Variants in CCDC33 observed in about 807,000 individuals in gnomAD.
CCDC33 encodes the protein coiled-coil domain containing 33.
CCDC33 carries 94 observed loss-of-function variants against 91.9 expected under a neutral mutation model. That is an observed-to-expected ratio of 1.02 (90% CI 0.87 to 1.21). CCDC33 has a LOEUF of 1.21. CCDC33 is among the 50% of genes most tolerant of loss of function. CCDC33 has a pLI of 0.00. For missense variants in CCDC33, 940 were observed against 935.5 expected (o/e 1.00, Z -0.06); for synonymous variants, 396 against 374.5 (o/e 1.06, Z -0.66).
At chr15:74,223,574 T>G (rs1162813388) in intron 2 of CCDC33, among the ~76,000 whole-genome samples, 1 of 152,072 alleles carries the variant, frequency 6.6e-6, no homozygotes, top group Admixed American at 6.6e-5. Flanking sequence ...TTAGAGACTC[T>G]GCTGCCACCC....
chr15:74,255,611 C>T (rs556316567), intron 2 of CCDC33, among the ~76,000 whole-genome samples: 32 of 152,348 alleles, frequency 2.1e-4, no homozygotes, highest in South Asian at 4.1e-4. Flanking sequence ...AGGGACTAGC[C>T]GGGGACTGTG....
rs768822161 is a variant in CCDC33, at chr15:74,333,944, C to G, written c.2002C>G (p.Arg668Gly). Residue 668 changes from arginine (R) to glycine (G), a missense_variant, in exon 17 of 19, where the codon CGG (arginine) becomes GGG (glycine). Physicochemically the swap from Arg to Gly is moderately radical, Grantham distance 125. Coordinates refer to ENST00000398814, the MANE Select transcript of CCDC33 (RefSeq NM_025055.5). The part of the protein sequence containing the change: ...LLAKLEHAQS[R>G]ILSLESQLED... ...GGCCAAGCTGGAACACGCTCAGAGC[C>G]GGATCCTGTCCCTGGAAAGCCAGGT... 1 of 1,613,426 alleles carries G rather than the reference C, an allele frequency of 6.2e-7. No individual in the cohort carries two copies. Among genetic ancestry groups the G allele is most frequent in the African/African-American group, 1.3e-5 (1 of 74,928 alleles).
chr15:74,327,027 G>A (rs996582640), intron 11 of CCDC33, among the ~76,000 whole-genome samples: 7 of 152,282 alleles, frequency 4.6e-5, no homozygotes, highest in East Asian at 1.9e-4. Flanking sequence ...GGGGGAAGCC[G>A]AGGAGGGAAA....
At chr15:74,305,492 A>T (rs2059876477) in intron 11 of CCDC33, among the ~76,000 whole-genome samples, 1 of 152,160 alleles carries the variant, frequency 6.6e-6, no homozygotes, top group Admixed American at 6.5e-5. Flanking sequence ...AAGGGAAGTG[A>T]GACAGCATGA....
intron 6 of CCDC33, among the ~76,000 whole-genome samples, chr15:74,272,121 C>T (rs936253205): frequency 1.3e-5 from 2 of 152,148 alleles, no homozygotes; most frequent in African/African-American, 4.8e-5. Context: ...AAGAGGGGTC[C>T]TCATTCCCTG....
intron 2 of CCDC33, among the ~76,000 whole-genome samples, chr15:74,228,926 C>T (rs1332689851): frequency 2.0e-5 from 3 of 152,106 alleles, no homozygotes; most frequent in Non-Finnish European, 4.4e-5. Flanking sequence ...GGGTGGCGGG[C>T]GCTGAGCAGG....
At chr15:74,298,316 G>C (rs1246456456) in intron 11 of CCDC33, among the ~76,000 whole-genome samples, 1 of 151,940 alleles carries the variant, frequency 6.6e-6, no homozygotes, top group Non-Finnish European at 1.5e-5. Context: ...GAGGAGCAGA[G>C]AGGAAAAAAT....
intron 11 of CCDC33, among the ~76,000 whole-genome samples, chr15:74,318,318 C>T (rs905560017): frequency 6.6e-6 from 1 of 152,108 alleles, no homozygotes; most frequent in African/African-American, 2.4e-5. Flanking sequence ...GGACTCTGAG[C>T]CTGGGCCAGG....
At chr15:74,226,251 A>T (rs959162507) in intron 2 of CCDC33, among the ~76,000 whole-genome samples, 2 of 152,176 alleles carry the variant, frequency 1.3e-5, no homozygotes, top group Non-Finnish European at 2.9e-5. Context: ...CTGTTGGAGG[A>T]AGACAGTTCT....
intron 2 of CCDC33, among the ~76,000 whole-genome samples, chr15:74,260,259 G>A (rs1006430967): frequency 4.6e-5 from 7 of 152,152 alleles, no homozygotes; most frequent in African/African-American, 9.7e-5. Flanking sequence ...TGAGCGCCAC[G>A]TTCCTGCCAG....
At chr15:74,232,344 CAA>C (rs2075004171), upstream of CCDC33, among the ~76,000 whole-genome samples, 1 of 152,284 alleles carries the variant, frequency 6.6e-6, no homozygotes, top group Non-Finnish European at 1.5e-5. Context: ...TTAGGAAAAA[CAA>C]GAGGGAGACT....
At position 74,331,100 on chromosome 15, in the gene CCDC33, G is replaced by A; in HGVS notation, c.1665G>A (p.Arg555=). ...QKMKALEETV[R]HQEKVIEKME... ...TGAAGGCGCTGGAGGAGACTGTGCG[G>A]CACCAAGAGAAGGCAGGTGGCAGAG... The change falls in exon 14 of 19, where the codon CGG becomes CGA. Residue 555 remains arginine, a synonymous_variant. Transcript: ENST00000398814. 1 of 1,613,436 alleles carries A rather than the reference G, an allele frequency of 6.2e-7. No individual in the cohort carries two copies. Among genetic ancestry groups the A allele is most frequent in the African/African-American group, 1.3e-5 (1 of 75,058 alleles).
At chr15:74,294,952 G>A (rs901133) in intron 10 of CCDC33, among the ~76,000 whole-genome samples, 38,789 of 152,080 alleles carry the variant, frequency 0.26, 5,719 homozygotes, top group Admixed American at 0.36. Flanking sequence ...CCTGCCAAGG[G>A]AGAAGGAGGA....
intron 10 of CCDC33, among the ~76,000 whole-genome samples, chr15:74,286,285 A>G (rs1311092814): frequency 1.3e-5 from 2 of 152,220 alleles, no homozygotes; most frequent in East Asian, 1.9e-4. Context: ...CCATGAGCCT[A>G]TGGCTACTCC....
At chr15:74,283,574 G>T (rs1160219086) in intron 10 of CCDC33, among the ~76,000 whole-genome samples, 1 of 152,168 alleles carries the variant, frequency 6.6e-6, no homozygotes, top group East Asian at 1.9e-4. Context: ...ATCCCTCCAA[G>T]TCATGCGGGA....
At chr15:74,310,092 G>C (rs11631552) in intron 11 of CCDC33, among the ~76,000 whole-genome samples, 72,656 of 151,984 alleles carry the variant, frequency 0.48, 19,878 homozygotes, top group Non-Finnish European at 0.61. Context: ...TTGAGGCTGC[G>C]GGCAGTGAGC....
intron 2 of CCDC33, chr15:74,221,147 A>G (rs1294653732): frequency 6.5e-6 from 6 of 928,356 alleles, no homozygotes; most frequent in Non-Finnish European, 7.7e-6. Context: ...CAACAATTGA[A>G]TCTATTCAAT....
chr15:74,262,525 G>A lies in CCDC33; in HGVS notation c.271G>A (p.Gly91Arg). The A allele has an allele frequency of 6.2e-7, 1 of 1,613,922 alleles. No individual in the cohort carries two copies. The highest frequency in any genetic ancestry group is 1.1e-5 in the South Asian group (1 of 91,052). ...AGAGCCCACCAGAGCCCCTATCTGG[G>A]GGGACACGGTGAATGTGGAGATCCA... is the stretch of plus-strand genomic sequence containing the variant. ...TSEPTRAPIW[G>R]DTVNVEIQAE... is the part of the protein sequence containing the mutation. The change falls in exon 3 of 19, where the codon GGG (glycine) becomes AGG (arginine). Residue 91 changes from glycine to arginine, a missense_variant. Gly to Arg is a moderately radical substitution (Grantham distance 125, BLOSUM62 -2). Coordinates refer to ENST00000398814, the MANE Select transcript of CCDC33 (RefSeq NM_025055.5).
chr15:74,328,524 C>T (rs1418774109), intron 11 of CCDC33, among the ~76,000 whole-genome samples: 4 of 152,234 alleles, frequency 2.6e-5, no homozygotes, highest in African/African-American at 9.6e-5. Flanking sequence ...GGTCTCTAGA[C>T]AGAGTCTCTC....
Sources: gnomAD v4.1 joint callset for allele counts (sites outside exome capture counted in the v4.1 genomes callset) on GRCh38, gnomAD v4.1.1 for gene constraint, MANE v1.5 for transcripts, NCBI Gene and HGNC (gene_info 2026-07-23, HGNC 2026-07-21) for gene names.